Variants in MICAL2 observed in about 807,000 individuals in gnomAD.
The protein encoded by MICAL2 is microtubule associated monooxygenase, calponin and LIM domain containing 2.
Under a neutral mutation model 127.3 loss-of-function variants are expected in MICAL2, and 77 were observed. The observed-to-expected ratio is 0.60, with a 90% CI of 0.50 to 0.73. The LOEUF (loss-of-function observed/expected upper bound fraction) is 0.73. Among genes scored for constraint, MICAL2 ranks in the 30% least tolerant of loss-of-function variants. MICAL2 has a pLI of 0.00. For missense variants in MICAL2, 1,351 were observed against 1,434.4 expected (o/e 0.94, Z 0.94); for synonymous variants, 570 against 551.1 (o/e 1.03, Z -0.48).
At chr11:12,114,771 T>G (rs887968630) in intron 1 of MICAL2, among the ~76,000 whole-genome samples, 4 of 152,236 alleles carry the variant, frequency 2.6e-5, no homozygotes, top group African/African-American at 9.6e-5. Context: ...GGACGTTTCC[T>G]CAGCACGCGT....
chr11:12,114,842 G>A (rs1339785986), intron 1 of MICAL2, among the ~76,000 whole-genome samples: 1 of 152,192 alleles, frequency 6.6e-6, no homozygotes, highest in African/African-American at 2.4e-5. Context: ...CACTGTGCTG[G>A]TTTGTGGTGG....
At chr11:12,225,911 GA>G (rs1857376466) in intron 13 of MICAL2, 1 of 512,210 alleles carries the variant, frequency 2.0e-6, no homozygotes, top group Non-Finnish European at 3.5e-6. Flanking sequence ...ATGTTCCCAA[GA>G]GGTTTAAATC....
chr11:12,255,251 G>A (rs528739327), intron 22 of MICAL2: 20 of 213,776 alleles, frequency 9.4e-5, no homozygotes, highest in African/African-American at 4.3e-4. Flanking sequence ...ACGGTTTAGT[G>A]GTATTAAATA....
At chr11:12,293,748 C>G, downstream of MICAL2, 1 of 1,614,022 alleles carries the variant, frequency 6.2e-7, no homozygotes, top group South Asian at 1.1e-5. Flanking sequence ...CTCTCAGACC[C>G]TGCAGAGATG....
intron 3 of MICAL2, among the ~76,000 whole-genome samples, chr11:12,189,113 C>T (rs934116194): frequency 3.3e-5 from 5 of 152,188 alleles, no homozygotes; most frequent in African/African-American, 1.2e-4. Flanking sequence ...TTCTACCCTC[C>T]AGCCTGAATT....
Position 12,262,696 on chromosome 11 carries a change from G to A in MICAL2, c.*17+159G>A, listed in dbSNP as rs549856127. On this transcript the variant is annotated intron_variant, in intron 27 of 27. Transcript: ENST00000683283. ...GCATGGTTGGCTAACAGCATGGCGGGGGGTGTTCAGCTTGAGACCCATGCC... is the reference window on the plus strand; with the variant it reads ...GCATGGTTGGCTAACAGCATGGCGGAGGGTGTTCAGCTTGAGACCCATGCC... 87 of 664,128 alleles carry A rather than the reference G, an allele frequency of 1.3e-4. 1 individual carries two copies. The South Asian group carries it at 1.4e-3, about 11-fold the overall frequency. 41.1% of individuals were successfully genotyped at this position (664,128 alleles called of 1,614,324 possible).
At chr11:12,312,885 G>A (rs953578107) in intron 29 of MICAL2, among the ~76,000 whole-genome samples, 1 of 152,040 alleles carries the variant, frequency 6.6e-6, no homozygotes, top group Non-Finnish European at 1.5e-5. Flanking sequence ...ATCTAGAGTC[G>A]GCCGGGCGCT....
chr11:12,236,353 T>C, intron 16 of MICAL2, 108 bp downstream of exon 16: 1 of 977,174 alleles, frequency 1.0e-6, no homozygotes, highest in Non-Finnish European at 1.6e-6. Flanking sequence ...CCCTCTCTCA[T>C]GAACCACTGG....
At position 12,204,360 on chromosome 11, in the gene MICAL2, C is replaced by T. The variant is rs760289105; in HGVS notation, c.375C>T (p.Asn125=). Residue 125 remains asparagine (N), a synonymous_variant, in exon 4 of 28, where the codon AAC becomes AAT. Transcript: ENST00000683283. ...VEKRDSFSRN[N]VLHLWPFTIH... Reference sequence around the variant, plus strand: ...AGAGGGACTCCTTCTCCCGGAACAACGTGCTACACCTCTGGCCTTTCACCA... The same window carrying T: ...AGAGGGACTCCTTCTCCCGGAACAATGTGCTACACCTCTGGCCTTTCACCA... 37 of 1,614,050 alleles carry T rather than the reference C, an allele frequency of 2.3e-5. No individual in the cohort carries two copies. The highest frequency in any genetic ancestry group is 4.0e-5 in the African/African-American group (3 of 74,920).
At chr11:12,149,758 T>C (rs1188098552) in intron 2 of MICAL2, among the ~76,000 whole-genome samples, 1 of 151,948 alleles carries the variant, frequency 6.6e-6, no homozygotes, top group African/African-American at 2.4e-5. Flanking sequence ...TATAAGATAG[T>C]GAGAGGAGAA....
chr11:12,319,019 C>T (rs1864261916), intron 29 of MICAL2, among the ~76,000 whole-genome samples: 1 of 152,176 alleles, frequency 6.6e-6, no homozygotes, highest in African/African-American at 2.4e-5. Flanking sequence ...GATGTGATAA[C>T]ATCTGCAAGT....
intron 7 of MICAL2, among the ~76,000 whole-genome samples, chr11:12,215,759 C>T (rs1394988533): frequency 9.2e-5 from 14 of 152,294 alleles, no homozygotes; most frequent in Middle Eastern, 3.4e-3. Flanking sequence ...ACATACAAGC[C>T]GGGAAACAGT....
At chr11:12,230,142 A>G (rs1712128717) in intron 15 of MICAL2, among the ~76,000 whole-genome samples, 3 of 152,206 alleles carry the variant, frequency 2.0e-5, no homozygotes, top group African/African-American at 7.2e-5. Context: ...CCACGTAGAA[A>G]GTACCTTCTT....
At chr11:12,264,217 C>T (rs1028298996), downstream of MICAL2, among the ~76,000 whole-genome samples, 2 of 152,142 alleles carry the variant, frequency 1.3e-5, no homozygotes, top group Non-Finnish European at 2.9e-5. Flanking sequence ...GAACACTTCA[C>T]GCTGGTGCAC....
intron 6 of MICAL2, among the ~76,000 whole-genome samples, chr11:12,211,415 G>C (rs749104569): frequency 6.6e-6 from 1 of 152,160 alleles, no homozygotes; most frequent in Admixed American, 6.5e-5. Flanking sequence ...AAAACCCCAA[G>C]GTTGTCACTA....
At chr11:12,282,641 C>A (rs1863784561) in intron 2 of MICAL2, among the ~76,000 whole-genome samples, 1 of 152,142 alleles carries the variant, frequency 6.6e-6, no homozygotes, top group South Asian at 2.1e-4. Flanking sequence ...TAGCTTCCAG[C>A]ATTTAAAAGG....
At chr11:12,127,442 T>C (rs1266951343) in intron 1 of MICAL2, among the ~76,000 whole-genome samples, 1 of 151,920 alleles carries the variant, frequency 6.6e-6, no homozygotes, top group Admixed American at 6.6e-5. Context: ...AGAGGGACAA[T>C]AAACAAGTGA....
chr11:12,222,942 T>G (rs1022863107), intron 11 of MICAL2, among the ~76,000 whole-genome samples, 199 bp downstream of exon 11: 2 of 152,156 alleles, frequency 1.3e-5, no homozygotes, highest in Non-Finnish European at 2.9e-5. Flanking sequence ...CTAGAACACA[T>G]GTAGGGGGAG....
intron 6 of MICAL2, among the ~76,000 whole-genome samples, chr11:12,209,926 GA>G (rs772520900): frequency 6.6e-6 from 1 of 152,142 alleles, no homozygotes; most frequent in Non-Finnish European, 1.5e-5. Flanking sequence ...TGTCATGGGG[GA>G]AAAATGAACA....
Sources: gnomAD v4.1 joint callset for allele counts (sites outside exome capture counted in the v4.1 genomes callset) on GRCh38, gnomAD v4.1.1 for gene constraint, MANE v1.5 for transcripts, NCBI Gene and HGNC (gene_info 2026-07-23, HGNC 2026-07-21) for gene names.